Variants in STAU2 observed in about 807,000 individuals in gnomAD.
STAU2 encodes the protein staufen double-stranded RNA binding protein 2.
Under a neutral mutation model 65.9 loss-of-function variants are expected in STAU2, and 20 were observed. The observed-to-expected ratio is 0.30, with a 90% CI of 0.21 to 0.44. The LOEUF is 0.44. Ranked by LOEUF, STAU2 falls within the 20% of genes least tolerant of loss-of-function variation. The pLI, the probability that STAU2 is intolerant of heterozygous loss-of-function variation, is 1.00. For synonymous variants in STAU2, 232 were observed against 233.9 expected (o/e 0.99, Z 0.07); for missense variants, 558 against 683.9 (o/e 0.82, Z 2.05).
chr8:73,452,107 C>T lies in STAU2; in HGVS notation c.1531-29405G>A, dbSNP rs1041715041. Reference sequence around the variant, plus strand: ...TCTCTCAGACAGGTGCCGCCCTAGACAGACAGCTCCTGATGCATCCAGGGG... The same window carrying T: ...TCTCTCAGACAGGTGCCGCCCTAGATAGACAGCTCCTGATGCATCCAGGGG... On this transcript the variant is annotated intron_variant, in intron 13 of 14. Coordinates refer to ENST00000524300, the MANE Select transcript of STAU2 (RefSeq NM_001164380.2). Among the ~76,000 whole-genome samples the T allele has an allele frequency of 1.3e-5, 2 of 152,236 alleles. 1 individual carries two copies. Among genetic ancestry groups the T allele is most frequent in the Admixed American group, 1.3e-4 (2 of 15,284 alleles).
intron 13 of STAU2, among the ~76,000 whole-genome samples, chr8:73,529,027 T>A (rs1357012235): frequency 6.6e-6 from 1 of 152,136 alleles, no homozygotes; most frequent in Non-Finnish European, 1.5e-5. Flanking sequence ...TTCCTGGGAA[T>A]CTATAAAAGT....
chr8:73,669,018 G>A (rs949174588), intron 6 of STAU2: 15 of 695,232 alleles, frequency 2.2e-5, no homozygotes, highest in Non-Finnish European at 3.4e-5. Context: ...CCTGCCTTAA[G>A]AAGCTAATGA....
chr8:73,564,663 A>G (rs1055360836), intron 12 of STAU2, among the ~76,000 whole-genome samples: 6 of 152,124 alleles, frequency 3.9e-5, no homozygotes, highest in African/African-American at 1.4e-4. Context: ...TTAAAAAATG[A>G]AAGTTAAAAA....
chr8:73,725,559 G>A (rs1805563761), intron 3 of STAU2, among the ~76,000 whole-genome samples: 1 of 152,204 alleles, frequency 6.6e-6, no homozygotes, highest in South Asian at 2.1e-4. Flanking sequence ...CACTTTGGGA[G>A]GCCAAGGTGG....
At chr8:73,649,869 T>TTA (rs55814743) in intron 6 of STAU2, among the ~76,000 whole-genome samples, 4,984 of 71,100 alleles carry the variant, frequency 0.07, 234 homozygotes, top group African/African-American at 0.086. Context: ...CTATATAATT[T>TTA]TATATATATA....
chr8:73,571,345 G>C (rs1809070527), intron 12 of STAU2, among the ~76,000 whole-genome samples: 1 of 152,152 alleles, frequency 6.6e-6, no homozygotes, highest in Non-Finnish European at 1.5e-5. Flanking sequence ...CAACGAGACA[G>C]AAAGTTAACA....
intron 12 of STAU2, among the ~76,000 whole-genome samples, chr8:73,555,440 A>G (rs2128945507): frequency 6.6e-6 from 1 of 152,292 alleles, no homozygotes; most frequent in East Asian, 1.9e-4. Context: ...GTTTTTTTAA[A>G]AACACTTTAA....
At chr8:73,478,484 GTT>G (rs11341671) in intron 13 of STAU2, among the ~76,000 whole-genome samples, 4 of 150,050 alleles carry the variant, frequency 2.7e-5, no homozygotes, top group South Asian at 2.1e-4. Flanking sequence ...TCTAAAAATA[GTT>G]TTTTTTTTCC....
At chr8:73,561,584 T>C (rs1563423425) in intron 12 of STAU2, 3 of 452,294 alleles carry the variant, frequency 6.6e-6, no homozygotes, top group Non-Finnish European at 1.3e-5. Context: ...AAGTCTGACA[T>C]ATGACAAAAG....
intron 13 of STAU2, among the ~76,000 whole-genome samples, chr8:73,484,177 A>G (rs905252194): frequency 6.6e-6 from 1 of 152,264 alleles, no homozygotes; most frequent in African/African-American, 2.4e-5. Flanking sequence ...TTGCTAATAA[A>G]TGATAAGATT....
At chr8:73,437,621 A>C (rs921062689) in intron 13 of STAU2, among the ~76,000 whole-genome samples, 2 of 152,222 alleles carry the variant, frequency 1.3e-5, no homozygotes, top group Admixed American at 1.3e-4. Flanking sequence ...TTGTCACCAC[A>C]GTCATGGAAA....
intron 10 of STAU2, 35 bp from the exon 11 acceptor site, chr8:73,595,332 A>G (rs375517083): frequency 5.8e-6 from 9 of 1,541,058 alleles, no homozygotes; most frequent in Non-Finnish European, 7.8e-6. Context: ...AAAGAAATAC[A>G]TTTATGATAA....
At chr8:73,644,543 A>G (rs1815230805) in intron 6 of STAU2, among the ~76,000 whole-genome samples, 1 of 152,182 alleles carries the variant, frequency 6.6e-6, no homozygotes, top group Non-Finnish European at 1.5e-5. Flanking sequence ...CCTCAAGAAC[A>G]AAGAACAAGA....
intron 11 of STAU2, among the ~76,000 whole-genome samples, chr8:73,586,664 A>AAAAAAAAAAAAAC (rs1810402382): frequency 6.6e-6 from 1 of 151,672 alleles, no homozygotes; most frequent in African/African-American, 2.4e-5. Flanking sequence ...AAAAAAAAAA[A>AAAAAAAAAAAAAC]AAATCCTCAG....
intron 6 of STAU2, among the ~76,000 whole-genome samples, chr8:73,654,762 C>T: frequency 7.4e-6 from 1 of 136,038 alleles, no homozygotes; most frequent in Non-Finnish European, 1.5e-5. Flanking sequence ...TCTCGACTCA[C>T]TGCAAGCTCC....
chr8:73,527,890 T>TA (rs143916422), intron 13 of STAU2: 1 of 813,962 alleles, frequency 1.2e-6, no homozygotes, highest in Non-Finnish European at 1.9e-6. Flanking sequence ...GGTCTAGATT[T>TA]CACAGAACAC....
intron 13 of STAU2, among the ~76,000 whole-genome samples, chr8:73,444,468 A>AGT: frequency 6.6e-6 from 1 of 151,794 alleles, no homozygotes; most frequent in Non-Finnish European, 1.5e-5. Context: ...ACCAGAACCC[A>AGT]GTGACATGAC....
chr8:73,555,395 A>G (rs1461342810), intron 12 of STAU2, among the ~76,000 whole-genome samples: 1 of 152,212 alleles, frequency 6.6e-6, no homozygotes, highest in Non-Finnish European at 1.5e-5. Flanking sequence ...AGGGAACTTT[A>G]TCCTGATGCC....
intron 6 of STAU2, among the ~76,000 whole-genome samples, chr8:73,629,912 C>T (rs1586155439): frequency 1.3e-5 from 2 of 152,254 alleles, no homozygotes; most frequent in East Asian, 3.9e-4. Context: ...CACTACCACA[C>T]TTGGCTAATT....
Sources: allele counts gnomAD v4.1 joint callset (sites outside exome capture counted in the v4.1 genomes callset), GRCh38; gene constraint gnomAD v4.1.1; transcripts MANE v1.5; gene names NCBI Gene and HGNC (gene_info 2026-07-23, HGNC 2026-07-21).